Variants in FHL2 observed in about 807,000 individuals in gnomAD.
FHL2 encodes the protein four and a half LIM domains 2, also known as four and a half LIM domains protein 2.
In FHL2, 20 loss-of-function variants were observed where a neutral mutation model predicts 32.7. The observed-to-expected ratio is 0.61, with a 90% confidence interval of 0.43 to 0.89. The LOEUF is 0.89. FHL2 is among the 40% of genes least tolerant of loss of function. The pLI, the probability that FHL2 is intolerant of heterozygous loss-of-function variation, is 0.00. For synonymous variants in FHL2, 123 were observed against 128.1 expected, an observed-to-expected ratio of 0.96 and a Z score of 0.27; for missense variants, 311 against 358.6, an observed-to-expected ratio of 0.87 and a Z score of 1.07.
chr2:105,369,180 G>A (rs1163818789), intron 4 of FHL2, among the ~76,000 whole-genome samples: 1 of 152,174 alleles, frequency 6.6e-6, no homozygotes, highest in Non-Finnish European at 1.5e-5. Flanking sequence ...ACTTCAACTG[G>A]GGGTCAGGGA....
intron 5 of FHL2, among the ~76,000 whole-genome samples, chr2:105,366,839 G>A (rs542953771): frequency 4.6e-5 from 7 of 152,244 alleles, no homozygotes; most frequent in South Asian, 4.1e-4. Flanking sequence ...TCCACCTCCC[G>A]GGTTCAAGTG....
chr2:105,400,083 C>T (rs1648791181), upstream of FHL2, among the ~76,000 whole-genome samples: 1 of 152,196 alleles, frequency 6.6e-6, no homozygotes, highest in South Asian at 2.1e-4. Flanking sequence ...TTAGCTTCCA[C>T]TCGGTGAGCA....
At chr2:105,435,220 T>C (rs1243224835) in intron 1 of FHL2, among the ~76,000 whole-genome samples, 1 of 152,222 alleles carries the variant, frequency 6.6e-6, no homozygotes, top group Non-Finnish European at 1.5e-5. Context: ...AATCATATTT[T>C]ATTTAACCAT....
At chr2:105,369,216 G>A (rs1680850696) in intron 4 of FHL2, among the ~76,000 whole-genome samples, 1 of 152,180 alleles carries the variant, frequency 6.6e-6, no homozygotes, top group Non-Finnish European at 1.5e-5. Context: ...GCCGACAGAG[G>A]GACTGCCCCG....
At chr2:105,398,176 A>G (rs1037465350) in intron 1 of FHL2, among the ~76,000 whole-genome samples, 1 of 152,178 alleles carries the variant, frequency 6.6e-6, no homozygotes, top group Non-Finnish European at 1.5e-5. Flanking sequence ...TTAAAACCCG[A>G]CTGAGGATAT....
At chr2:105,357,751 T>G (rs1680076910), downstream of FHL2, 2 of 152,156 alleles carry the variant, frequency 1.3e-5, no homozygotes, top group Admixed American at 1.3e-4. Context: ...GTTGGTTGAA[T>G]CCACAGATGA....
upstream of FHL2, among the ~76,000 whole-genome samples, chr2:105,401,695 T>C (rs1683471957): frequency 6.6e-6 from 1 of 152,220 alleles, no homozygotes; most frequent in Non-Finnish European, 1.5e-5. Context: ...ATTATTTACA[T>C]ATGCGGCTGT....
chr2:105,406,724 G>A (rs6753613), intron 1 of FHL2, among the ~76,000 whole-genome samples: 1 of 152,174 alleles, frequency 6.6e-6, no homozygotes, highest in East Asian at 1.9e-4. Context: ...GGTCAGGAAA[G>A]CAGACACTGC....
At chr2:105,396,952 G>A (rs1475385647) in intron 1 of FHL2, 2 of 455,884 alleles carry the variant, frequency 4.4e-6, no homozygotes, top group Non-Finnish European at 7.8e-6. Context: ...GAGTCACTGA[G>A]GCTGAGTAAC....
At chr2:105,430,386 G>A (rs1163848527) in intron 1 of FHL2, among the ~76,000 whole-genome samples, 1 of 152,178 alleles carries the variant, frequency 6.6e-6, no homozygotes, top group Non-Finnish European at 1.5e-5. Context: ...CTAGAAATAG[G>A]CCAGGCGAGG....
chr2:105,425,546 T>C (rs1364823613), intron 1 of FHL2, among the ~76,000 whole-genome samples: 1 of 150,852 alleles, frequency 6.6e-6, no homozygotes, highest in Admixed American at 6.7e-5. Flanking sequence ...GGAAGGCCAC[T>C]GTCTCCTGCT....
intron 3 of FHL2, among the ~76,000 whole-genome samples, chr2:105,379,548 T>C (rs1024150012): frequency 1.3e-5 from 2 of 152,208 alleles, no homozygotes; most frequent in Admixed American, 6.5e-5. Context: ...GATGAGCAGA[T>C]TCAATGTAAC....
At chr2:105,384,413 CCT>C (rs1414419858) in intron 3 of FHL2, among the ~76,000 whole-genome samples, 9 of 152,118 alleles carry the variant, frequency 5.9e-5, no homozygotes, top group African/African-American at 1.9e-4. Context: ...TGGAGCTTAC[CCT>C]GTCAGCTGCT....
At chr2:105,385,721 G>A (rs566231764) in intron 3 of FHL2, among the ~76,000 whole-genome samples, 4 of 152,342 alleles carry the variant, frequency 2.6e-5, no homozygotes, top group Admixed American at 1.3e-4. Context: ...AGAGTCTGCT[G>A]AGAAGCGCAG....
At chr2:105,378,333 C>G in intron 3 of FHL2, 1 of 383,282 alleles carries the variant, frequency 2.6e-6, no homozygotes, top group South Asian at 2.0e-5. Context: ...TGGAGACCTT[C>G]TGCAGGCGCA....
In FHL2 at chr2:105,367,438, G is replaced by T. The variant is rs553152516; in HGVS notation, c.501+132C>A. On this transcript the variant is annotated intron_variant, in intron 5 of 6. Transcript: ENST00000530340. ...GATGGATAAATGCTCAGAATGTAAG[G>T]CAGGACAGGCACAGCTCCCACGCCA... 1.2e-4 allele frequency: 103 copies of T among 853,340 alleles called. 1 individual carries two copies. The African/African-American group carries it at 1.5e-3, about 12-fold the overall frequency. The allele number at this position is 853,340 out of a possible 1,614,324, so 52.9% of individuals were successfully genotyped here.
At chr2:105,365,946 T>C (rs1304836216) in intron 5 of FHL2, among the ~76,000 whole-genome samples, 1 of 152,142 alleles carries the variant, frequency 6.6e-6, no homozygotes, top group Non-Finnish European at 1.5e-5. Flanking sequence ...GGCTCACGCC[T>C]GTAATCCCAG....
chr2:105,436,666 C>T lies in FHL2; in HGVS notation c.-25+1733G>A, dbSNP rs140847988. On this transcript the variant is annotated intron_variant, in intron 1 of 5. Transcript: ENST00000393352. ...CATAGTGGTATTTTTTTAAAAAAAA[C>T]GAATATTAAGTTAATGGTTAATCTT... 3.3e-3 allele frequency among the ~76,000 whole-genome samples: 502 copies of T among 151,012 alleles called. 4 individuals are homozygous for T. The highest frequency in any genetic ancestry group is 0.015 in the East Asian group (76 of 5,138).
intron 2 of FHL2, among the ~76,000 whole-genome samples, chr2:105,396,149 C>T (rs1455663207): frequency 2.0e-5 from 3 of 152,114 alleles, no homozygotes; most frequent in Non-Finnish European, 4.4e-5. Context: ...ATAGAACCAA[C>T]AAGAGATGTA....
Sources: allele counts gnomAD v4.1 joint callset (sites outside exome capture counted in the v4.1 genomes callset), GRCh38; gene constraint gnomAD v4.1.1; transcripts MANE v1.5; gene names NCBI Gene and HGNC (gene_info 2026-07-23, HGNC 2026-07-21).